WWTR1: variants seen among roughly 807,000 people sequenced by gnomAD.
WWTR1 encodes the protein WW domain containing transcription regulator 1.
In WWTR1, 13 loss-of-function variants were observed where a neutral mutation model predicts 40.1. The ratio of observed to expected loss-of-function variants is 0.32; its 90% CI spans 0.21 to 0.52. The LOEUF (loss-of-function observed/expected upper bound fraction) is 0.52, where lower values mean the gene tolerates loss of function less well. Among genes scored for constraint, WWTR1 ranks in the 20% least tolerant of loss-of-function variants. The probability of loss-of-function intolerance (pLI) is 0.97; values close to 1 mark genes in which losing one functional copy is unlikely to be tolerated. For missense variants in WWTR1, 436 were observed against 523.1 expected (o/e 0.83, Z 1.63); for synonymous variants, 230 against 210.1 (o/e 1.09, Z -0.82).
chr3:149,597,735 A>G (rs758179680), intron 2 of WWTR1, among the ~76,000 whole-genome samples: 3 of 152,254 alleles, frequency 2.0e-5, no homozygotes, highest in Non-Finnish European at 4.4e-5. Flanking sequence ...GTAAATGATG[A>G]GACTGGGAAA....
chr3:149,648,392 C>G (rs371428640), intron 2 of WWTR1, among the ~76,000 whole-genome samples: 1 of 152,026 alleles, frequency 6.6e-6, no homozygotes, highest in Admixed American at 6.6e-5. Context: ...CGTTCTTCCC[C>G]TGATGGAGGT....
chr3:149,618,693 A>C (rs931157362), intron 2 of WWTR1, among the ~76,000 whole-genome samples: 3 of 152,184 alleles, frequency 2.0e-5, no homozygotes, highest in African/African-American at 7.2e-5. Context: ...TAGGAGAAAA[A>C]CCTTAAAATA....
intron 1 of WWTR1, among the ~76,000 whole-genome samples, chr3:149,679,006 T>C (rs1714367319): frequency 1.3e-5 from 2 of 152,124 alleles, no homozygotes; most frequent in Admixed American, 1.3e-4. Flanking sequence ...ATTTTTTGTA[T>C]TTTTAGTAGA....
At chr3:149,522,413 T>C (rs1389173413) in intron 6 of WWTR1, among the ~76,000 whole-genome samples, 2 of 152,224 alleles carry the variant, frequency 1.3e-5, no homozygotes, top group Non-Finnish European at 2.9e-5. Flanking sequence ...AAATGACTCC[T>C]GGGTAACATT....
chr3:149,533,832 G>A (rs1339819299), intron 4 of WWTR1, among the ~76,000 whole-genome samples: 1 of 152,110 alleles, frequency 6.6e-6, no homozygotes, highest in East Asian at 1.9e-4. Flanking sequence ...ACTTATAATG[G>A]ACCTGGCACA....
intron 2 of WWTR1, among the ~76,000 whole-genome samples, chr3:149,602,733 C>A (rs945511172): frequency 6.6e-6 from 1 of 152,180 alleles, no homozygotes; most frequent in East Asian, 1.9e-4. Flanking sequence ...GGCACGATCT[C>A]GGCTCACTGC....
At chr3:149,603,672 G>T (rs561150363) in intron 2 of WWTR1, among the ~76,000 whole-genome samples, 1 of 151,678 alleles carries the variant, frequency 6.6e-6, no homozygotes, top group East Asian at 1.9e-4. Flanking sequence ...CCCCACTGAT[G>T]AAATCATGAC....
intron 3 of WWTR1, among the ~76,000 whole-genome samples, chr3:149,570,147 T>C (rs1737548659): frequency 6.6e-6 from 1 of 152,268 alleles, no homozygotes; most frequent in Non-Finnish European, 1.5e-5. Context: ...TTCCAAGTTG[T>C]ATTTCCATCC....
intron 2 of WWTR1, among the ~76,000 whole-genome samples, chr3:149,622,498 G>GAAAGAAAGAAAAGAAAGAAAGA (rs1560089724): frequency 7.4e-4 from 38 of 51,050 alleles, no homozygotes; most frequent in African/African-American, 3.0e-3. Context: ...AGGAAGGAAG[G>GAAAGAAAGAAAAGAAAGAAAGA]AAGGAAGAAA....
intron 5 of WWTR1, 65 bp downstream of exon 5, chr3:149,527,771 C>T (rs56350342): frequency 0.014 from 22,305 of 1,601,312 alleles, 343 homozygotes; most frequent in Admixed American, 0.074. Flanking sequence ...AAACAAAGAT[C>T]CTATTATAGT....
intron 2 of WWTR1, among the ~76,000 whole-genome samples, chr3:149,609,606 C>T (rs1301987726): frequency 1.3e-5 from 2 of 152,222 alleles, no homozygotes; most frequent in Non-Finnish European, 1.5e-5. Context: ...CATACCACAA[C>T]AGCAGAGCTG....
chr3:149,676,009 A>T (rs1320655369), intron 1 of WWTR1, among the ~76,000 whole-genome samples: 6 of 152,134 alleles, frequency 3.9e-5, no homozygotes, highest in Non-Finnish European at 7.3e-5. Context: ...CCAGCCTAGA[A>T]CTCAAAATTT....
At chr3:149,559,386 G>A (rs185653103) in intron 3 of WWTR1, among the ~76,000 whole-genome samples, 2 of 151,652 alleles carry the variant, frequency 1.3e-5, no homozygotes, top group South Asian at 2.1e-4. Context: ...AAAGGAGAAT[G>A]ATGTCTCCAA....
chr3:149,517,488 T>G lies in WWTR1; in HGVS notation c.*3317A>C, dbSNP rs1226678294. The G allele has an allele frequency of 1.3e-5, 2 of 152,360 alleles. No individual in the cohort carries two copies. The highest frequency in any genetic ancestry group is 3.9e-4 in the East Asian group (2 of 5,194). The allele number at this position is 152,360 out of a possible 1,614,324, so 9.4% of individuals were successfully genotyped here. A position where few individuals can be genotyped will look rare whatever the true frequency, so the allele number is the denominator to read the frequency against. On this transcript the variant is annotated 3_prime_UTR_variant, in exon 7 of 7. Transcript: ENST00000360632. Reference sequence around the variant, plus strand: ...GCCCATTTTCCCAATTAAATTAACCTACGATTTCCTTTTTTTAACAGCTTA... The same window carrying G: ...GCCCATTTTCCCAATTAAATTAACCGACGATTTCCTTTTTTTAACAGCTTA...
In WWTR1 at chr3:149,657,485, G is replaced by A. The variant is rs1713320209; in HGVS notation, c.-3-176C>T. The A allele has an allele frequency of 1.4e-5, 10 of 738,718 alleles. No homozygotes were observed. In the South Asian group the frequency reaches 1.6e-4, roughly 11 times the overall value. 45.8% of individuals were successfully genotyped at this position (738,718 alleles called of 1,614,324 possible). ...CTCAGCGGTAAGACCAGCAGGATGG[G>A]GGAGGGGTCCCTCCTGGCCTCGAGA... On this transcript the variant is annotated intron_variant, in intron 1 of 6. Coordinates refer to ENST00000360632, the MANE Select transcript of WWTR1 (RefSeq NM_015472.6).
intron 2 of WWTR1, among the ~76,000 whole-genome samples, chr3:149,591,132 A>G (rs189816417): frequency 2.6e-4 from 39 of 152,296 alleles, no homozygotes; most frequent in African/African-American, 9.1e-4. Flanking sequence ...AAGAAATACA[A>G]ATACTACTTA....
intron 3 of WWTR1, among the ~76,000 whole-genome samples, chr3:149,549,513 G>A (rs1736519144): frequency 6.6e-6 from 1 of 152,186 alleles, no homozygotes; most frequent in African/African-American, 2.4e-5. Flanking sequence ...AACTGTCACA[G>A]CCAAAAGGAG....
chr3:149,591,524 A>G (rs1374664846), intron 2 of WWTR1, among the ~76,000 whole-genome samples: 2 of 152,228 alleles, frequency 1.3e-5, no homozygotes, highest in East Asian at 1.9e-4. Flanking sequence ...AGCCTTTATA[A>G]TTGACTATAT....
At chr3:149,624,127 G>A (rs1246705702) in intron 2 of WWTR1, among the ~76,000 whole-genome samples, 1 of 152,034 alleles carries the variant, frequency 6.6e-6, no homozygotes, top group Non-Finnish European at 1.5e-5. Context: ...ATTCCTGAAT[G>A]ATGAACAATC....
Sources: allele counts gnomAD v4.1 joint callset (sites outside exome capture counted in the v4.1 genomes callset), GRCh38; gene constraint gnomAD v4.1.1; transcripts MANE v1.5; gene names NCBI Gene and HGNC (gene_info 2026-07-23, HGNC 2026-07-21).